The following ACBD3 variants were observed in gnomAD, a reference collection of about 807,000 sequenced individuals.
ACBD3 encodes the protein Golgi resident protein GCP60.
In ACBD3, 30 loss-of-function variants were observed where a neutral mutation model predicts 66.9. The observed-to-expected ratio is 0.45, with a 90% CI of 0.34 to 0.61. ACBD3 has a LOEUF of 0.61. Ranked by LOEUF, ACBD3 falls within the 20% of genes least tolerant of loss-of-function variation. ACBD3 has a pLI of 0.02. For missense variants in ACBD3, 544 were observed against 664.5 expected (o/e 0.82, Z 1.99); for synonymous variants, 278 against 259.8 (o/e 1.07, Z -0.68).
At chr1:226,175,339 T>C (rs1656005456) in intron 1 of ACBD3, among the ~76,000 whole-genome samples, 1 of 152,064 alleles carries the variant, frequency 6.6e-6, no homozygotes, top group South Asian at 2.1e-4. Flanking sequence ...GGAAAATAAG[T>C]GATTCAGGGA....
chr1:226,170,469 C>T (rs1259756129), intron 1 of ACBD3, among the ~76,000 whole-genome samples: 5 of 151,156 alleles, frequency 3.3e-5, no homozygotes, highest in Non-Finnish European at 5.9e-5. Flanking sequence ...CCACCGTGCT[C>T]GGCCTTTCTT....
chr1:226,163,374 A>G (rs990068052), intron 3 of ACBD3, among the ~76,000 whole-genome samples: 2 of 152,230 alleles, frequency 1.3e-5, no homozygotes, highest in African/African-American at 4.8e-5. Flanking sequence ...AGATACTTCT[A>G]CAGACACCCT....
chr1:226,164,323 C>T (rs1445226624), intron 3 of ACBD3, among the ~76,000 whole-genome samples: 1 of 152,050 alleles, frequency 6.6e-6, no homozygotes, highest in Non-Finnish European at 1.5e-5. Context: ...AGCTCCTCCT[C>T]CAAAACTTGA....
chr1:226,170,674 T>C (rs1013256199), intron 1 of ACBD3, among the ~76,000 whole-genome samples: 2 of 152,236 alleles, frequency 1.3e-5, no homozygotes, highest in Non-Finnish European at 1.5e-5. Context: ...CAAGTGGATA[T>C]GAAAAAAATT....
Position 226,169,272 on chromosome 1 carries a change from G to C in ACBD3, c.287-3272C>G, listed in dbSNP as rs1278353676. Reference sequence around the variant, plus strand: ...TATTTTTATTTTTTTTCTCGAGACAGAGTCTCGCTCTGTCACCCAGGCTGG... The same window carrying C: ...TATTTTTATTTTTTTTCTCGAGACACAGTCTCGCTCTGTCACCCAGGCTGG... On this transcript the variant is annotated intron_variant, in intron 1 of 7. Coordinates refer to ENST00000366812, the MANE Select transcript of ACBD3 (RefSeq NM_022735.4). Among the ~76,000 whole-genome samples, 3 of 151,726 alleles carry C rather than the reference G, an allele frequency of 2.0e-5. No individual in the cohort carries two copies. The East Asian group carries it at 5.8e-4, about 29-fold the overall frequency.
At chr1:226,171,641 G>A (rs767697364) in intron 1 of ACBD3, among the ~76,000 whole-genome samples, 9 of 151,912 alleles carry the variant, frequency 5.9e-5, no homozygotes, top group Non-Finnish European at 1.2e-4. Flanking sequence ...GGGCTCAAGC[G>A]ATTCTTGTGC....
intron 1 of ACBD3, among the ~76,000 whole-genome samples, chr1:226,174,953 G>A (rs1285826747): frequency 2.0e-5 from 3 of 151,276 alleles, no homozygotes; most frequent in Non-Finnish European, 2.9e-5. Flanking sequence ...AAAATAGCCC[G>A]GCATGGTGGC....
Position 226,166,523 on chromosome 1 carries a change from T to C in ACBD3, c.287-523A>G, listed in dbSNP as rs571220937. 5.7e-4 allele frequency among the ~76,000 whole-genome samples: 86 copies of C among 151,216 alleles called. No individual in the cohort carries two copies. In the Middle Eastern group the frequency reaches 0.01, roughly 18 times the overall value. On this transcript the variant is annotated intron_variant, in intron 1 of 7. Coordinates refer to ENST00000366812, the MANE Select transcript of ACBD3 (RefSeq NM_022735.4). ...TTTTTTGAGACAAGGTCTCGCTCTA[T>C]TGCCCAGGCTGGAATGCAGTGGCAC... is the stretch of plus-strand genomic sequence containing the variant.
rs147875428 is a variant in ACBD3 at position 226,152,465 on chromosome 1, A to G, written c.1245T>C (p.Tyr415=). 1.5e-5 allele frequency: 24 copies of G among 1,614,044 alleles called. No homozygotes were observed. The African/African-American group carries it at 2.9e-4, about 20-fold the overall frequency. Residue 415 remains tyrosine, a synonymous_variant, in exon 7 of 8, where the codon TAT becomes TAC. Transcript: ENST00000366812. ...TGTCTGTGGCAAATTCCCAAAAGAG[A>G]TATGATCCTTCTTCATGGGTGGGTA... ...VRVPTHEEGS[Y]LFWEFATDNY...
chr1:226,154,882 A>G lies in ACBD3; in HGVS notation c.904-49T>C, dbSNP rs964689397. On this transcript the variant is annotated intron_variant, in intron 5 of 7. Transcript: ENST00000366812. ...ACACACTGACCAGGAAGGCTAGCAA[A>G]TAAGACATCTGCCCTGGAGTACATC... 7.2e-6 allele frequency: 11 copies of G among 1,517,578 alleles called. No homozygotes were observed. The South Asian group carries it at 7.9e-5, about 11-fold the overall frequency. 94.0% of individuals were successfully genotyped at this position (1,517,578 alleles called of 1,614,324 possible). A position where few individuals can be genotyped will look rare whatever the true frequency, so the allele number is the denominator to read the frequency against.
intron 7 of ACBD3, among the ~76,000 whole-genome samples, chr1:226,150,488 C>G (rs1659549116): frequency 6.6e-6 from 1 of 152,148 alleles, no homozygotes; most frequent in South Asian, 2.1e-4. Flanking sequence ...AAGTGATTCT[C>G]CTGCCTCAGC....
chr1:226,162,155 C>G (rs1051598987), intron 3 of ACBD3, among the ~76,000 whole-genome samples: 4 of 152,020 alleles, frequency 2.6e-5, no homozygotes, highest in Non-Finnish European at 5.9e-5. Context: ...CTGGAAAGAA[C>G]AAGCACTCGA....
chr1:226,158,815 G>A (rs1659720597), intron 5 of ACBD3, among the ~76,000 whole-genome samples: 1 of 152,200 alleles, frequency 6.6e-6, no homozygotes. Flanking sequence ...TCCTCCCACT[G>A]GAGGCTGTCC....
chr1:226,171,515 C>T (rs562835225), intron 1 of ACBD3, among the ~76,000 whole-genome samples: 1 of 151,860 alleles, frequency 6.6e-6, no homozygotes, highest in Non-Finnish European at 1.5e-5. Context: ...ATTAAAAATA[C>T]AGTGCAAACT....
intron 1 of ACBD3, among the ~76,000 whole-genome samples, chr1:226,183,225 G>C (rs2102792311): frequency 6.6e-6 from 1 of 152,240 alleles, no homozygotes; most frequent in Non-Finnish European, 1.5e-5. Flanking sequence ...GCCCAGGCTG[G>C]AGGGCAGGGA....
At chr1:226,180,337 T>C (rs1656144077) in intron 1 of ACBD3, among the ~76,000 whole-genome samples, 1 of 152,150 alleles carries the variant, frequency 6.6e-6, no homozygotes, top group Non-Finnish European at 1.5e-5. Context: ...GTACCTCCTT[T>C]TCAACAACAT....
intron 1 of ACBD3, among the ~76,000 whole-genome samples, chr1:226,179,712 G>T (rs1490106034): frequency 1.3e-5 from 2 of 151,958 alleles, no homozygotes; most frequent in African/African-American, 4.8e-5. Context: ...ACAAAAATTA[G>T]CCGGGTGTGG....
intron 1 of ACBD3, 30 bp from the exon 2 acceptor site, chr1:226,166,030 A>T (rs1216790656): frequency 1.3e-6 from 2 of 1,592,136 alleles, no homozygotes; most frequent in South Asian, 2.3e-5. Context: ...AAAGAAAACA[A>T]TTAGCACAGG....
intron 6 of ACBD3, among the ~76,000 whole-genome samples, chr1:226,153,932 C>A (rs1459609356): frequency 6.6e-6 from 1 of 152,116 alleles, no homozygotes; most frequent in Non-Finnish European, 1.5e-5. Context: ...GCCACTTCTG[C>A]TAGGGGAAGC....
Sources: allele counts gnomAD v4.1 joint callset (sites outside exome capture counted in the v4.1 genomes callset), GRCh38; gene constraint gnomAD v4.1.1; transcripts MANE v1.5; gene names NCBI Gene and HGNC (gene_info 2026-07-23, HGNC 2026-07-21).